Variants in CYP4F22 observed in about 807,000 individuals in gnomAD.
The protein encoded by CYP4F22 is ultra-long-chain fatty acid omega-hydroxylase.
A neutral mutation model predicts 60.4 loss-of-function variants in CYP4F22; 37 were observed. That is an observed-to-expected ratio of 0.61 (90% confidence interval 0.47 to 0.81). The LOEUF is 0.81. Among genes scored for constraint, CYP4F22 ranks in the 30% least tolerant of loss-of-function variants. CYP4F22 has a pLI of 0.00. For synonymous variants in CYP4F22, 258 were observed against 280.5 expected (o/e 0.92, Z 0.80); for missense variants, 655 against 715.0 (o/e 0.92, Z 0.96).
At chr19:15,508,933 AT>A (rs986949492) in intron 1 of CYP4F22, among the ~76,000 whole-genome samples, 4 of 151,850 alleles carry the variant, frequency 2.6e-5, no homozygotes, top group Non-Finnish European at 5.9e-5. Context: ...TAGTCAGGAC[AT>A]CCCAGATGGG....
chr19:15,546,835 T>C (rs371742378), intron 10 of CYP4F22, among the ~76,000 whole-genome samples: 1 of 151,526 alleles, frequency 6.6e-6, no homozygotes, highest in African/African-American at 2.4e-5. Flanking sequence ...TACAGCCTCC[T>C]GAGTAGCTGG....
chr19:15,509,904 C>CTTTCTTTCCTTCCTTCTTTCTTT (rs1555725971), intron 1 of CYP4F22, among the ~76,000 whole-genome samples: 2 of 86,696 alleles, frequency 2.3e-5, no homozygotes, highest in Admixed American at 1.2e-4. Flanking sequence ...TTCCTTCCTT[C>CTTTCTTTCCTTCCTTCTTTCTTT]CTTTCTTTCT....
intron 12 of CYP4F22, among the ~76,000 whole-genome samples, chr19:15,550,363 AGTG>A (rs987391368): frequency 6.6e-6 from 1 of 152,204 alleles, no homozygotes; most frequent in Non-Finnish European, 1.5e-5. Flanking sequence ...CTTTAGCTCG[AGTG>A]GTTATGAAAG....
intron 4 of CYP4F22, among the ~76,000 whole-genome samples, chr19:15,533,813 AG>A (rs1971368925): frequency 6.6e-6 from 1 of 151,892 alleles, no homozygotes; most frequent in Non-Finnish European, 1.5e-5. Context: ...TATGTTGTCC[AG>A]GTTGGTCATT....
Position 15,544,255 on chromosome 19 carries a change from G to T in CYP4F22, c.1112G>T (p.Gly371Val). ...GAAGAGATTCAGGAAGTCATGAAAG[G>T]CCGGGAGCTGGAGGAGCTGGAGTGG... Reference protein sequence around the residue: ...CREEIQEVMKGRELEELEWDD... With the variant: ...CREEIQEVMKVRELEELEWDD... Residue 371 changes from glycine (G) to valine (V), a missense_variant, in exon 10 of 14, where the codon GGC becomes GTC. Around this residue, in one of 3 missense-constraint regions of CYP4F22, gnomAD observed 74 missense variants for 118.4 expected, o/e 0.62. Transcript: ENST00000269703. 1 of 1,614,060 alleles carries T rather than the reference G, an allele frequency of 6.2e-7. No homozygotes were observed. The highest frequency in any genetic ancestry group is 8.5e-7 in the Non-Finnish European group (1 of 1,180,034).
At chr19:15,524,008 C>T (rs1031147262) in intron 2 of CYP4F22, among the ~76,000 whole-genome samples, 1 of 150,044 alleles carries the variant, frequency 6.7e-6, no homozygotes, top group Admixed American at 6.7e-5. Context: ...TGGAGCGAGT[C>T]GTGATCATGC....
Position 15,537,982 on chromosome 19 carries a change from C to A in CYP4F22, c.660C>A (p.Ser220Arg). 1 of 1,614,074 alleles carries A rather than the reference C, an allele frequency of 6.2e-7. No homozygotes were observed. Among genetic ancestry groups the A allele is most frequent in the African/African-American group, 1.3e-5 (1 of 75,010 alleles). The change falls in exon 7 of 14, where the codon AGC (serine) becomes AGA (arginine). Residue 220 changes from serine to arginine, a missense_variant. Physicochemically the swap from Ser to Arg is moderately radical, Grantham distance 110 (BLOSUM62 -1). Coordinates refer to ENST00000269703, the MANE Select transcript of CYP4F22 (RefSeq NM_173483.4). ...AGAAATGTGTCTTCAGCTACAACAG[C>A]AACTGCCAAGAGTGAGTGTGACCCT... ...SLQKCVFSYN[S>R]NCQEKMSDYI...
chr19:15,551,670 G>A lies in CYP4F22; in HGVS notation c.*199G>A. On this transcript the variant is annotated 3_prime_UTR_variant, in exon 14 of 14. Transcript: ENST00000269703. ...CAAGGCTCCTCCCCTTAGGGGGCCT[G>A]ATCCCGCCCCTTGAGGCTTAGGTCC... The A allele has an allele frequency of 3.0e-6, 2 of 672,842 alleles. No individual in the cohort carries two copies. Among genetic ancestry groups the A allele is most frequent in the Non-Finnish European group, 5.0e-6 (2 of 403,922 alleles). 41.7% of individuals were successfully genotyped at this position (672,842 alleles called of 1,614,324 possible).
chr19:15,538,065 C>T lies in CYP4F22; in HGVS notation c.671+72C>T. On this transcript the variant is annotated intron_variant, in intron 7 of 13. Coordinates refer to ENST00000269703, the MANE Select transcript of CYP4F22 (RefSeq NM_173483.4). The stretch of plus-strand genomic sequence containing the variant: ...CAAGATGGTGGCAGGAGAAAGGGAA[C>T]TCCCAGGCATTAGACAACTCTGGCC... The T allele has an allele frequency of 4.4e-6, 7 of 1,602,914 alleles. No homozygotes were observed. The South Asian group carries it at 7.7e-5, about 18-fold the overall frequency.
At chr19:15,536,391 G>C (rs1273527) in intron 4 of CYP4F22, among the ~76,000 whole-genome samples, 54,110 of 152,052 alleles carry the variant, frequency 0.36, 10,226 homozygotes, top group East Asian at 0.65. Flanking sequence ...CGTCGAATAG[G>C]GGGTGGAAGA....
At chr19:15,546,213 C>T (rs1449079404) in intron 10 of CYP4F22, among the ~76,000 whole-genome samples, 4 of 152,190 alleles carry the variant, frequency 2.6e-5, no homozygotes, top group South Asian at 4.1e-4. Context: ...TGAGTGCAAG[C>T]AGTCCTCTTA....
chr19:15,531,005 G>A (rs1971337175), intron 4 of CYP4F22, among the ~76,000 whole-genome samples: 1 of 152,170 alleles, frequency 6.6e-6, no homozygotes, highest in African/African-American at 2.4e-5. Context: ...ACTTTGGGAA[G>A]CTGAGGCAGG....
At chr19:15,529,421 A>C (rs1326820860) in intron 3 of CYP4F22, among the ~76,000 whole-genome samples, 1 of 152,058 alleles carries the variant, frequency 6.6e-6, no homozygotes, top group Non-Finnish European at 1.5e-5. Flanking sequence ...GAGCCACTAC[A>C]CTTGGCTACT....
At chr19:15,533,138 C>T (rs1279803608) in intron 4 of CYP4F22, among the ~76,000 whole-genome samples, 2 of 152,154 alleles carry the variant, frequency 1.3e-5, no homozygotes, top group African/African-American at 4.8e-5. Flanking sequence ...TCTTATGGGC[C>T]TTTGGACTAG....
At chr19:15,521,798 G>T (rs1363476211) in intron 1 of CYP4F22, among the ~76,000 whole-genome samples, 1 of 152,134 alleles carries the variant, frequency 6.6e-6, no homozygotes, top group Non-Finnish European at 1.5e-5. Context: ...AGCCTCTAGA[G>T]TAGCTGGGAT....
intron 3 of CYP4F22, among the ~76,000 whole-genome samples, chr19:15,526,294 A>G (rs762411069): frequency 6.6e-6 from 1 of 152,138 alleles, no homozygotes; most frequent in African/African-American, 2.4e-5. Flanking sequence ...CCTATTCCCA[A>G]TGTGGTTCCA....
chr19:15,545,238 T>A (rs1568363040), intron 10 of CYP4F22, among the ~76,000 whole-genome samples: 1 of 152,006 alleles, frequency 6.6e-6, no homozygotes. Context: ...AAGAATCATA[T>A]GACAAAGGGT....
chr19:15,547,561 G>A (rs953853634), intron 10 of CYP4F22, among the ~76,000 whole-genome samples: 1 of 152,088 alleles, frequency 6.6e-6, no homozygotes, highest in African/African-American at 2.4e-5. Flanking sequence ...TGTGGCTCAC[G>A]TTTGTAATCC....
In CYP4F22 at chr19:15,549,202, G is replaced by C. The variant is rs571776726; in HGVS notation, c.1335G>C (p.Lys445Asn). 3 of 1,613,900 alleles carry C rather than the reference G, an allele frequency of 1.9e-6. No individual in the cohort carries two copies. The highest frequency in any genetic ancestry group is 2.5e-6 in the Non-Finnish European group (3 of 1,179,994). Reference protein sequence around the residue: ...HHNPTVWPDSKVYNPYRFDPD... With the variant: ...HHNPTVWPDSNVYNPYRFDPD... ...ACCCCACAGTGTGGCCTGACTCCAA[G>C]GTGAGTGCCTGCCCCACTCCTCCCT... is the stretch of plus-strand genomic sequence containing the variant. Residue 445 changes from lysine (K) to asparagine (N), a missense_variant and splice_region_variant, in exon 12 of 14, where the codon AAG becomes AAC. This residue lies in a region of CYP4F22 where 151 missense variants were observed against 139.4 expected (regional missense o/e 1.08). Transcript: ENST00000269703.
Sources: allele counts gnomAD v4.1 joint callset (sites outside exome capture counted in the v4.1 genomes callset), GRCh38; gene constraint gnomAD v4.1.1; regional missense constraint gnomAD v4.1.1; transcripts MANE v1.5; gene names NCBI Gene and HGNC (gene_info 2026-07-23, HGNC 2026-07-21).